HIPK2: variants seen among roughly 807,000 people sequenced by gnomAD.
HIPK2 encodes homeodomain-interacting protein kinase 2.
Under a neutral mutation model 113.7 loss-of-function variants are expected in HIPK2, and 27 were observed. The observed-to-expected ratio is 0.24, with a 90% CI of 0.17 to 0.33. The LOEUF (loss-of-function observed/expected upper bound fraction) is 0.33. Ranked by LOEUF, HIPK2 falls within the 10% of genes least tolerant of loss-of-function variation. The pLI is 1.00. For synonymous variants in HIPK2, 631 were observed against 642.2 expected (o/e 0.98, Z 0.26); for missense variants, 1,257 against 1,588.0 (o/e 0.79, Z 3.54).
chr7:139,717,196 G>C (rs1329917349), intron 1 of HIPK2, 181 bp from the exon 2 acceptor site: 1 of 375,676 alleles, frequency 2.7e-6, no homozygotes, highest in Non-Finnish European at 3.7e-6. Context: ...CACTGAGTTT[G>C]TGGAACCAAG....
At chr7:139,608,252 C>CGTGTGTGTGT (rs55989071) in intron 9 of HIPK2, among the ~76,000 whole-genome samples, 2,684 of 136,936 alleles carry the variant, frequency 0.02, 38 homozygotes, top group Non-Finnish European at 0.023. Flanking sequence ...CAAAAAAATA[C>CGTGTGTGTGT]GTGTGTGTGT....
Position 139,715,412 on chromosome 7 carries a change from T to C in HIPK2, c.1103+520A>G, listed in dbSNP as rs912131136. Reference sequence around the variant, plus strand: ...ACATCCCTTTCAACCCGTTACCTTATGTTGTTCAAGGTTTCCAGGGCTTGC... The same window carrying C: ...ACATCCCTTTCAACCCGTTACCTTACGTTGTTCAAGGTTTCCAGGGCTTGC... On this transcript the variant is annotated intron_variant, in intron 2 of 14. Transcript: ENST00000406875. 6.6e-5 allele frequency among the ~76,000 whole-genome samples: 10 copies of C among 152,338 alleles called. No individual in the cohort carries two copies. The East Asian group carries it at 1.7e-3, about 26-fold the overall frequency.
chr7:139,717,162 T>G, intron 1 of HIPK2, 147 bp from the exon 2 acceptor site: 5 of 1,100,302 alleles, frequency 4.5e-6, no homozygotes, highest in Non-Finnish European at 3.8e-6. Context: ...AGTGAATCTC[T>G]TCCACCCAGA....
chr7:139,678,922 A>G (rs1802602839), intron 2 of HIPK2, among the ~76,000 whole-genome samples: 1 of 152,170 alleles, frequency 6.6e-6, no homozygotes, highest in Admixed American at 6.5e-5. Flanking sequence ...TCTTTATAGC[A>G]ATTGTGACTG....
At chr7:139,669,192 C>T (rs1188002019) in intron 2 of HIPK2, among the ~76,000 whole-genome samples, 2 of 152,098 alleles carry the variant, frequency 1.3e-5, no homozygotes, top group South Asian at 4.1e-4. Flanking sequence ...GAGTCCTCTC[C>T]CCAGCCCGAG....
chr7:139,600,394 C>T, intron 11 of HIPK2, 23 bp downstream of exon 11: 1 of 1,608,270 alleles, frequency 6.2e-7, no homozygotes, highest in Admixed American at 1.7e-5. Context: ...TTTCTCTTCC[C>T]TAGGGTGGCT....
Position 139,629,409 on chromosome 7 carries a change from A to G in HIPK2, c.1348-370T>C, listed in dbSNP as rs145711584. Among the ~76,000 whole-genome samples the G allele has an allele frequency of 2.8e-3, 432 of 152,358 alleles. 2 individuals are homozygous for G. The highest frequency in any genetic ancestry group is 1.0e-2 in the African/African-American group (415 of 41,594). Reference sequence around the variant, plus strand: ...GCTTTCCCATGCATTTTCCAATTTTATTTAATAAACCCTTATGCACATAGC... The same window carrying G: ...GCTTTCCCATGCATTTTCCAATTTTGTTTAATAAACCCTTATGCACATAGC... On this transcript the variant is annotated intron_variant, in intron 4 of 14. Coordinates refer to ENST00000406875, the MANE Select transcript of HIPK2 (RefSeq NM_022740.5).
At chr7:139,680,315 G>A (rs558840128) in intron 2 of HIPK2, among the ~76,000 whole-genome samples, 5 of 152,278 alleles carry the variant, frequency 3.3e-5, no homozygotes, top group Non-Finnish European at 5.9e-5. Flanking sequence ...TCCCCACAGC[G>A]TGGCTGGTGC....
At chr7:139,724,186 G>C (rs1795501429) in intron 1 of HIPK2, among the ~76,000 whole-genome samples, 2 of 151,884 alleles carry the variant, frequency 1.3e-5, no homozygotes, top group African/African-American at 4.8e-5. Context: ...ACCTAGAAAG[G>C]GTTAATCTGT....
chr7:139,701,360 G>T (rs939540675), intron 2 of HIPK2, among the ~76,000 whole-genome samples: 1 of 152,200 alleles, frequency 6.6e-6, no homozygotes, highest in Non-Finnish European at 1.5e-5. Flanking sequence ...TTATAGTCTC[G>T]GCTAACTGCA....
chr7:139,625,275 G>A (rs1800387143), intron 6 of HIPK2, among the ~76,000 whole-genome samples: 1 of 152,142 alleles, frequency 6.6e-6, no homozygotes, highest in African/African-American at 2.4e-5. Flanking sequence ...CTTTCAACCT[G>A]GTAAACTGGT....
At chr7:139,696,795 C>T (rs1319483325) in intron 2 of HIPK2, among the ~76,000 whole-genome samples, 1 of 152,140 alleles carries the variant, frequency 6.6e-6, no homozygotes, top group African/African-American at 2.4e-5. Flanking sequence ...GGCGTCAACA[C>T]TCAGAGGTGA....
intron 12 of HIPK2, among the ~76,000 whole-genome samples, chr7:139,585,694 C>T (rs766653876): frequency 6.6e-6 from 1 of 152,178 alleles, no homozygotes; most frequent in African/African-American, 2.4e-5. Context: ...TTCAATGATA[C>T]ACAACACATG....
chr7:139,642,727 G>C (rs1406724008), intron 2 of HIPK2, among the ~76,000 whole-genome samples: 2 of 152,128 alleles, frequency 1.3e-5, no homozygotes, highest in African/African-American at 2.4e-5. Flanking sequence ...ACAAGCAAAA[G>C]GAAAAAGGGA....
intron 2 of HIPK2, among the ~76,000 whole-genome samples, chr7:139,662,995 G>A (rs10234526): frequency 0.011 from 1,685 of 152,254 alleles, 33 homozygotes; most frequent in African/African-American, 0.039. Context: ...CTGACTATCA[G>A]GGCTCTCCAT....
chr7:139,590,615 A>T (rs1179856663), intron 12 of HIPK2, among the ~76,000 whole-genome samples: 1 of 152,186 alleles, frequency 6.6e-6, no homozygotes, highest in Non-Finnish European at 1.5e-5. Context: ...CATTTATTGG[A>T]TGCATACTAA....
rs766794108 is a variant in HIPK2 at position 139,716,840 on chromosome 7, T to C, written c.195A>G (p.Thr65=). The C allele has an allele frequency of 8.7e-6, 14 of 1,613,724 alleles. No homozygotes were observed. The highest frequency in any genetic ancestry group is 1.3e-5 in the African/African-American group (1 of 74,860). ...GGACCGGCAAGGAGGTGCTGACGGTTGTGGTGGCTGGCTGCGACAGGGGGA... is the reference window on the plus strand; with the variant it reads ...GGACCGGCAAGGAGGTGCTGACGGTCGTGGTGGCTGGCTGCGACAGGGGGA... ...KNIPLSQPAT[T]TVSTSLPVPN... is the part of the protein sequence containing the mutation. The change falls in exon 2 of 15, where the codon ACA becomes ACG. Residue 65 remains threonine, a synonymous_variant. Transcript: ENST00000406875. The surrounding 1 kb of genome is among the most constrained non-coding windows in gnomAD (Gnocchi z 9.3).
At chr7:139,712,349 G>A (rs1251786797) in intron 2 of HIPK2, among the ~76,000 whole-genome samples, 4 of 152,172 alleles carry the variant, frequency 2.6e-5, no homozygotes, top group Non-Finnish European at 4.4e-5. Flanking sequence ...GTCTCACACC[G>A]TTTCTGTGTC....
At chr7:139,741,936 C>T (rs887054361) in intron 1 of HIPK2, among the ~76,000 whole-genome samples, 1 of 152,182 alleles carries the variant, frequency 6.6e-6, no homozygotes, top group African/African-American at 2.4e-5. Flanking sequence ...CACGGCAACC[C>T]TGGGAGGTCA....
Sources: gnomAD v4.1 joint callset for allele counts (sites outside exome capture counted in the v4.1 genomes callset) on GRCh38, gnomAD v4.1.1 for gene constraint, Gnocchi (gnomAD v3.1) non-coding constraint, MANE v1.5 for transcripts, NCBI Gene and HGNC (gene_info 2026-07-23, HGNC 2026-07-21) for gene names.